The following ZNF18 variants were observed in gnomAD, a reference collection of about 807,000 sequenced individuals.
The protein encoded by ZNF18 is zinc finger protein 18, also known as heart development-specific gene 1 protein.
A neutral mutation model predicts 58.1 loss-of-function variants in ZNF18; 42 were observed. That is an observed-to-expected ratio of 0.72 (90% CI 0.56 to 0.93). The LOEUF (loss-of-function observed/expected upper bound fraction) is 0.93. Ranked by LOEUF, ZNF18 falls within the 40% of genes least tolerant of loss-of-function variation. ZNF18 has a pLI of 0.00. For missense variants in ZNF18, 540 were observed against 644.2 expected, an observed-to-expected ratio of 0.84 and a Z score of 1.75; for synonymous variants, 231 against 239.8, an observed-to-expected ratio of 0.96 and a Z score of 0.34.
intron 1 of ZNF18, among the ~76,000 whole-genome samples, chr17:11,996,455 A>G (rs1006621090): frequency 4.6e-5 from 7 of 152,186 alleles, no homozygotes; most frequent in African/African-American, 9.6e-5. Flanking sequence ...AGATTTTATA[A>G]AATACTTAAA....
Position 11,992,603 on chromosome 17 carries a change from G to C in ZNF18, c.227C>G (p.Thr76Ser), listed in dbSNP as rs1330341875. The change falls in exon 2 of 7, where the codon ACC (threonine) becomes AGC (serine). Residue 76 changes from threonine to serine, a missense_variant. By Grantham distance (58) the Thr-to-Ser change is moderately conservative (BLOSUM62 1). Transcript: ENST00000580306. ...GAGGATCTCTAGGATCTGCTCTTTGGTGTGAACCTCTGGCTGTAGCCACTG... is the reference window on the plus strand; with the variant it reads ...GAGGATCTCTAGGATCTGCTCTTTGCTGTGAACCTCTGGCTGTAGCCACTG... ...CFQWLQPEVH[T>S]KEQILEILML... is the part of the protein sequence containing the mutation. 6.2e-7 allele frequency: 1 copy of C among 1,614,090 alleles called. No homozygotes were observed. The highest frequency in any genetic ancestry group is 2.2e-5 in the East Asian group (1 of 44,894).
the ZNF18 span, among the ~76,000 whole-genome samples, chr17:12,004,161 A>C: frequency 1.3e-5 from 2 of 151,656 alleles, no homozygotes; most frequent in African/African-American, 4.8e-5. Flanking sequence ...AACCCGGGAG[A>C]TGGACGTTGC....
rs142580853 is a variant in ZNF18, at chr17:11,990,636, AGAACAATACCT to A, written c.578-97_578-87del. On this transcript the variant is annotated intron_variant, in intron 3 of 6. Coordinates refer to ENST00000580306, the MANE Select transcript of ZNF18 (RefSeq NM_001303281.2). ...GCGCAGATAACAATCTTCACAAATCAGAACAATACCTGAACAATACCTGTACTGCCATCTAT... is the reference window on the plus strand; with the variant it reads ...GCGCAGATAACAATCTTCACAAATCAGAACAATACCTGTACTGCCATCTAT... 2,374 of 1,071,248 alleles carry A rather than the reference AGAACAATACCT, an allele frequency of 2.2e-3. 38 individuals are homozygous for A. The African/African-American group carries it at 0.033, about 15-fold the overall frequency. The allele number at this position is 1,071,248 out of a possible 1,614,324, so 66.4% of individuals were successfully genotyped here.
chr17:12,011,106 A>G, the ZNF18 span: 7 of 680,208 alleles, frequency 1.0e-5, no homozygotes, highest in African/African-American at 5.3e-5. Flanking sequence ...CTTGATGTCT[A>G]TAATATCACC....
At chr17:11,990,902 T>G (rs1968077093) in intron 3 of ZNF18, 72 bp downstream of exon 3, 1 of 1,498,020 alleles carries the variant, frequency 6.7e-7, no homozygotes, top group Admixed American at 1.9e-5. Context: ...GCATACCATT[T>G]CAACTCACTT....
chr17:12,021,302 C>G, the ZNF18 span: 1 of 198,082 alleles, frequency 5.0e-6, no homozygotes. Flanking sequence ...CGCGGCCGTC[C>G]CCATCGCCCC....
At chr17:12,010,761 A>T in the ZNF18 span, 2 of 329,120 alleles carry the variant, frequency 6.1e-6, no homozygotes, top group African/African-American at 4.3e-5. Flanking sequence ...ATTCATAGGG[A>T]ATATGTTCCA....
the ZNF18 span, among the ~76,000 whole-genome samples, chr17:12,004,887 CAA>C: frequency 1.8e-4 from 10 of 56,204 alleles, no homozygotes; most frequent in African/African-American, 2.9e-4. Flanking sequence ...AACTCCATCT[CAA>C]AAAAAAAAAA....
At position 11,992,606 on chromosome 17, in the gene ZNF18, T is replaced by G. The variant is rs200065032; in HGVS notation, c.224A>C (p.His75Pro). The G allele has an allele frequency of 6.2e-7, 1 of 1,614,214 alleles. No homozygotes were observed. Among genetic ancestry groups the G allele is most frequent in the South Asian group, 1.1e-5 (1 of 91,088 alleles). The change falls in exon 2 of 7, where the codon CAC (histidine) becomes CCC (proline). Residue 75 changes from histidine (H) to proline (P), a missense_variant. By Grantham distance (77) the His-to-Pro change is moderately conservative. Coordinates refer to ENST00000580306, the MANE Select transcript of ZNF18 (RefSeq NM_001303281.2). ...LCFQWLQPEV[H>P]TKEQILEILM... The stretch of plus-strand genomic sequence containing the variant: ...GATCTCTAGGATCTGCTCTTTGGTG[T>G]GAACCTCTGGCTGTAGCCACTGGAA...
At chr17:12,002,716 G>C in the ZNF18 span, among the ~76,000 whole-genome samples, 1 of 152,180 alleles carries the variant, frequency 6.6e-6, no homozygotes, top group Non-Finnish European at 1.5e-5. Context: ...AACTATCATG[G>C]GAGATACTGT....
chr17:12,020,108 C>T, the ZNF18 span, among the ~76,000 whole-genome samples: 4 of 152,114 alleles, frequency 2.6e-5, no homozygotes, highest in Admixed American at 1.3e-4. Context: ...ATGACTACGG[C>T]TCGTCTTATA....
intron 1 of ZNF18, among the ~76,000 whole-genome samples, chr17:11,994,759 T>C (rs949017583): frequency 6.6e-6 from 1 of 151,998 alleles, no homozygotes; most frequent in African/African-American, 2.4e-5. Flanking sequence ...GAGAATGGCA[T>C]GAACCTGGGA....
chr17:11,983,429 G>A (rs1426508230), intron 5 of ZNF18, 22 bp from the exon 6 acceptor site: 2 of 1,587,230 alleles, frequency 1.3e-6, no homozygotes, highest in Admixed American at 1.7e-5. Flanking sequence ...AAGATGTATG[G>A]TGGGCCTGGA....
At chr17:12,010,906 C>G in the ZNF18 span, 2 of 536,716 alleles carry the variant, frequency 3.7e-6, no homozygotes, top group Non-Finnish European at 6.7e-6. Context: ...TCACTTGTTT[C>G]AGGAAGCTAT....
chr17:12,002,850 A>G, the ZNF18 span, among the ~76,000 whole-genome samples: 265 of 152,322 alleles, frequency 1.7e-3, 3 homozygotes, highest in African/African-American at 5.8e-3. Context: ...ACTCAAGGTG[A>G]AAGGAACCTG....
chr17:11,987,111 A>G (rs78446426), intron 4 of ZNF18, among the ~76,000 whole-genome samples: 1,551 of 152,316 alleles, frequency 0.01, 28 homozygotes, highest in African/African-American at 0.035. Flanking sequence ...AGACAGACAC[A>G]TGGGATTTGA....
At chr17:11,993,951 AAGAC>A (rs1368377509) in intron 1 of ZNF18, among the ~76,000 whole-genome samples, 1 of 152,150 alleles carries the variant, frequency 6.6e-6, no homozygotes, top group African/African-American at 2.4e-5. Flanking sequence ...GATCACAACT[AAGAC>A]AGTAGAAAGA....
rs748796960 is a variant in ZNF18, at chr17:11,991,006, A to G, written c.545T>C (p.Val182Ala). Residue 182 changes from valine (V) to alanine (A), a missense_variant, in exon 3 of 7, where the codon GTG becomes GCG. Val to Ala is a moderately conservative substitution (Grantham distance 64). Transcript: ENST00000580306. ...TGCTTCTGTGTCAGATTCCTCTTTCACGATGTGGCTCAGAAGCTCCCCAGG... is the reference window on the plus strand; with the variant it reads ...TGCTTCTGTGTCAGATTCCTCTTTCGCGATGTGGCTCAGAAGCTCCCCAGG... Reference protein sequence around the residue: ...SGPGELLSHIVKEESDTEAEL... With the variant: ...SGPGELLSHIAKEESDTEAEL... The G allele has an allele frequency of 8.1e-6, 13 of 1,614,072 alleles. No individual in the cohort carries two copies. Among genetic ancestry groups the G allele is most frequent in the Admixed American group, 1.7e-5 (1 of 60,016 alleles).
intron 3 of ZNF18, 76 bp downstream of exon 3, chr17:11,990,898 C>A: frequency 6.8e-7 from 1 of 1,472,938 alleles, no homozygotes; most frequent in Non-Finnish European, 9.3e-7. Context: ...AGCAGCATAC[C>A]ATTTCAACTC....
Sources: allele counts gnomAD v4.1 joint callset (sites outside exome capture counted in the v4.1 genomes callset), GRCh38; gene constraint gnomAD v4.1.1; transcripts MANE v1.5; gene names NCBI Gene and HGNC (gene_info 2026-07-23, HGNC 2026-07-21).